Variants in ZFAND5 observed in about 807,000 individuals in gnomAD.
ZFAND5 encodes AN1-type zinc finger protein 5.
ZFAND5 carries 4 observed loss-of-function variants against 23.6 expected under a neutral mutation model. The ratio of observed to expected loss-of-function variants is 0.17; its 90% CI spans 0.08 to 0.39. The LOEUF is 0.39. Among genes scored for constraint, ZFAND5 ranks in the 10% least tolerant of loss-of-function variants. The pLI is 1.00. For synonymous variants in ZFAND5, 68 were observed against 80.6 expected, an observed-to-expected ratio of 0.84 and a Z score of 0.84; for missense variants, 161 against 253.7, an observed-to-expected ratio of 0.63 and a Z score of 2.48.
At position 72,365,152 on chromosome 9, in the gene ZFAND5, G is replaced by C. The variant is rs1024028641; in HGVS notation, c.-603C>G. The C allele has an allele frequency of 6.6e-6, 1 of 152,248 alleles. No individual in the cohort carries two copies. The highest frequency in any genetic ancestry group is 1.5e-5 in the Non-Finnish European group (1 of 68,070). The allele number at this position is 152,248 out of a possible 1,614,324, so 9.4% of individuals were successfully genotyped here. A position where few individuals can be genotyped will look rare whatever the true frequency, so the allele number is the denominator to read the frequency against. ...CCGCCGGGGAAGCTGCGCGGCTCCC[G>C]GGAGCGAGCGAGCCCGCGTAGGAGA... On this transcript the variant is annotated 5_prime_UTR_variant, in exon 1 of 7. Transcript: ENST00000376962.
chr9:72,364,626 G>A, intron 1 of ZFAND5, 70 bp downstream of exon 1: 1 of 1,190,140 alleles, frequency 8.4e-7, no homozygotes, highest in Non-Finnish European at 1.1e-6. Flanking sequence ...CGGCGCCCCG[G>A]TCCCTTCACT....
chr9:72,357,572 C>T (rs1178156211), intron 5 of ZFAND5, among the ~76,000 whole-genome samples: 3 of 152,134 alleles, frequency 2.0e-5, no homozygotes, highest in Admixed American at 6.5e-5. Flanking sequence ...CCTAAATCAA[C>T]GTCAGATCCA....
At chr9:72,356,202 G>T in intron 6 of ZFAND5, 101 bp from the exon 7 acceptor site, 1 of 1,422,126 alleles carries the variant, frequency 7.0e-7, no homozygotes, top group Non-Finnish European at 9.5e-7. Flanking sequence ...TCATTGCTTT[G>T]TAACATAAAA....
Position 72,354,380 on chromosome 9 carries a change from G to C in ZFAND5, c.*1573C>G, listed in dbSNP as rs1239859916. 1 of 152,484 alleles carries C rather than the reference G, an allele frequency of 6.6e-6. No individual in the cohort carries two copies. The highest frequency in any genetic ancestry group is 1.5e-5 in the Non-Finnish European group (1 of 68,024). The allele number at this position is 152,484 out of a possible 1,614,324, so 9.4% of individuals were successfully genotyped here. A position where few individuals can be genotyped will look rare whatever the true frequency, so the allele number is the denominator to read the frequency against. ...ATGGCAAAGGAAAAAAAATTATATA[G>C]CCATGTAAAGTAACATTTTCTAATT... On this transcript the variant is annotated 3_prime_UTR_variant, in exon 7 of 7. Transcript: ENST00000376962.
Position 72,352,318 on chromosome 9 carries a change from A to T in ZFAND5, c.*3635T>A, listed in dbSNP as rs1345779524. The T allele has an allele frequency of 6.6e-6, 1 of 151,456 alleles. No individual in the cohort carries two copies. The highest frequency in any genetic ancestry group is 2.4e-5 in the African/African-American group (1 of 41,422). 9.4% of individuals were successfully genotyped at this position (151,456 alleles called of 1,614,324 possible). A position where few individuals can be genotyped will look rare whatever the true frequency, so the allele number is the denominator to read the frequency against. Reference sequence around the variant, plus strand: ...ACGGAGCCTCTGTCTCAAACAAACAAAACAAAACAAAAACAGACAAGAGTC... The same window carrying T: ...ACGGAGCCTCTGTCTCAAACAAACATAACAAAACAAAAACAGACAAGAGTC... On this transcript the variant is annotated 3_prime_UTR_variant, in exon 7 of 7. Transcript: ENST00000376962.
rs753012729 is a variant in ZFAND5, at chr9:72,360,224, A to T, written c.152-3T>A. The T allele has an allele frequency of 1.2e-6, 2 of 1,605,870 alleles. No homozygotes were observed. Among genetic ancestry groups the T allele is most frequent in the South Asian group, 2.2e-5 (2 of 89,344 alleles). On this transcript the variant is annotated splice_region_variant and splice_polypyrimidine_tract_variant and intron_variant, in intron 3 of 6. Coordinates refer to ENST00000376962, the MANE Select transcript of ZFAND5 (RefSeq NM_001102420.3). ...ACTGTTGGAACCACTAGCTGTTCCT[A>T]TTTAAAAAAAGGATTTGTAAGGAAC...
rs1554695354 is a variant in ZFAND5, at chr9:72,351,591, T to TTTA, written c.*4361_*4362insTAA. The TTTA allele has an allele frequency of 5.4e-5, 2 of 37,024 alleles. No homozygotes were observed. Among genetic ancestry groups the TTTA allele is most frequent in the Non-Finnish European group, 2.7e-4 (2 of 7,278 alleles). 2.3% of individuals were successfully genotyped at this position (37,024 alleles called of 1,614,324 possible). ...ATGGCACTTTTGTATTCTGTTGTAC[T>TTTA]TTTTTTTTTTTTTTTACATTTGCTA... is the stretch of plus-strand genomic sequence containing the variant. On this transcript the variant is annotated 3_prime_UTR_variant, in exon 7 of 7. Coordinates refer to ENST00000376962, the MANE Select transcript of ZFAND5 (RefSeq NM_001102420.3).
At chr9:72,356,152 A>G (rs1841935836) in intron 6 of ZFAND5, 51 bp from the exon 7 acceptor site, 6 of 1,570,872 alleles carry the variant, frequency 3.8e-6, no homozygotes, top group Non-Finnish European at 5.1e-6. Flanking sequence ...CAATTAAAAG[A>G]AAAAAAAGCC....
At chr9:72,364,482 G>T in intron 1 of ZFAND5, 1 of 1,280,760 alleles carries the variant, frequency 7.8e-7, no homozygotes, top group Non-Finnish European at 1.0e-6. Context: ...AGCGAGCCAG[G>T]GACGCCGGGA....
rs79349856 is a variant in ZFAND5 at position 72,359,500 on chromosome 9, C to T, written c.285G>A (p.Leu95=). 2 of 1,613,650 alleles carry T rather than the reference C, an allele frequency of 1.2e-6. No homozygotes were observed. The highest frequency in any genetic ancestry group is 1.7e-5 in the Admixed American group (1 of 59,988). Residue 95 remains leucine (L), a synonymous_variant, in exon 5 of 7, where the codon TTG becomes TTA. Coordinates refer to ENST00000376962, the MANE Select transcript of ZFAND5 (RefSeq NM_001102420.3). ...TTTCTGTCATTTGCTGAGTTACAGG[C>T]AAGGCAGCCACAGGCACATTTCTAT... ...EKSRNVPVAA[L]PVTQQMTEMS...
chr9:72,362,930 T>C (rs1028213560), intron 2 of ZFAND5, among the ~76,000 whole-genome samples: 1 of 152,142 alleles, frequency 6.6e-6, no homozygotes, highest in Non-Finnish European at 1.5e-5. Context: ...TCTCAAAGCC[T>C]GCCAACTCCT....
Position 72,365,069 on chromosome 9 carries a change from C to G in ZFAND5, c.-520G>C, listed in dbSNP as rs944705422. On this transcript the variant is annotated 5_prime_UTR_variant, in exon 1 of 7. Coordinates refer to ENST00000376962, the MANE Select transcript of ZFAND5 (RefSeq NM_001102420.3). Reference sequence around the variant, plus strand: ...GGACGAGGAGGGCGAGCGGACCGCGCGCCGCGAGGCCTGGGGCCGTAAGGG... The same window carrying G: ...GGACGAGGAGGGCGAGCGGACCGCGGGCCGCGAGGCCTGGGGCCGTAAGGG... 2.0e-5 allele frequency: 3 copies of G among 152,154 alleles called. No homozygotes were observed. The highest frequency in any genetic ancestry group is 4.4e-5 in the Non-Finnish European group (3 of 68,058). The allele number at this position is 152,154 out of a possible 1,614,324, so 9.4% of individuals were successfully genotyped here.
At chr9:72,362,022 T>C (rs958801752) in intron 2 of ZFAND5, among the ~76,000 whole-genome samples, 8 of 152,214 alleles carry the variant, frequency 5.3e-5, no homozygotes, top group African/African-American at 1.9e-4. Context: ...CTAACCAATT[T>C]TGACCTGGCC....
In ZFAND5 at chr9:72,354,685, T is replaced by G. The variant is rs1564297718; in HGVS notation, c.*1268A>C. 1 of 152,624 alleles carries G rather than the reference T, an allele frequency of 6.6e-6. No individual in the cohort carries two copies. The highest frequency in any genetic ancestry group is 1.5e-5 in the Non-Finnish European group (1 of 68,040). 9.5% of individuals were successfully genotyped at this position (152,624 alleles called of 1,614,324 possible). A position where few individuals can be genotyped will look rare whatever the true frequency, so the allele number is the denominator to read the frequency against. On this transcript the variant is annotated 3_prime_UTR_variant, in exon 7 of 7. Transcript: ENST00000376962. ...CAGAAGTAGTGCCTCGTGTACATAC[T>G]TAACTATTTACAGATGAAAACAGGC...
intron 1 of ZFAND5, chr9:72,364,064 A>G (rs2131988905): frequency 6.5e-6 from 1 of 153,238 alleles, no homozygotes; most frequent in South Asian, 1.9e-4. Context: ...GAGAAGCCCA[A>G]AAGACGACGC....
At position 72,359,526 on chromosome 9, in the gene ZFAND5, T is replaced by C; in HGVS notation, c.264-5A>G. On this transcript the variant is annotated splice_polypyrimidine_tract_variant and splice_region_variant and intron_variant, in intron 4 of 6. Coordinates refer to ENST00000376962, the MANE Select transcript of ZFAND5 (RefSeq NM_001102420.3). Reference sequence around the variant, plus strand: ...AAGGCAGCCACAGGCACATTTCTATTTGAGTTCAAGCAAACAATTTTTAAA... The same window carrying C: ...AAGGCAGCCACAGGCACATTTCTATCTGAGTTCAAGCAAACAATTTTTAAA... 1 of 1,613,002 alleles carries C rather than the reference T, an allele frequency of 6.2e-7. No homozygotes were observed. The highest frequency in any genetic ancestry group is 8.5e-7 in the Non-Finnish European group (1 of 1,179,450).
At chr9:72,358,631 G>C (rs1377431324) in intron 5 of ZFAND5, among the ~76,000 whole-genome samples, 1 of 152,094 alleles carries the variant, frequency 6.6e-6, no homozygotes, top group African/African-American at 2.4e-5. Context: ...CCAAACTTGA[G>C]AATTTGGCCT....
chr9:72,360,535 C>G (rs1304430622), intron 3 of ZFAND5, 93 bp downstream of exon 3: 1 of 1,548,576 alleles, frequency 6.5e-7, no homozygotes, highest in Non-Finnish European at 8.8e-7. Flanking sequence ...GGTGTTCTCT[C>G]CATGTGCTTT....
chr9:72,364,714 C>G lies in ZFAND5; in HGVS notation c.-165G>C. Reference sequence around the variant, plus strand: ...CACTCACCCTGCAGGGTCCCAAATGCGAAAGCCGGGTTCGCGCGCGAAGCC... The same window carrying G: ...CACTCACCCTGCAGGGTCCCAAATGGGAAAGCCGGGTTCGCGCGCGAAGCC... On this transcript the variant is annotated 5_prime_UTR_variant, in exon 1 of 7. Coordinates refer to ENST00000376962, the MANE Select transcript of ZFAND5 (RefSeq NM_001102420.3). 2.3e-6 allele frequency: 2 copies of G among 856,522 alleles called. No individual in the cohort carries two copies. The highest frequency in any genetic ancestry group is 2.4e-5 in the South Asian group (1 of 41,044). 53.1% of individuals were successfully genotyped at this position (856,522 alleles called of 1,614,324 possible).
Sources: allele counts gnomAD v4.1 joint callset (sites outside exome capture counted in the v4.1 genomes callset), GRCh38; gene constraint gnomAD v4.1.1; transcripts MANE v1.5; gene names NCBI Gene and HGNC (gene_info 2026-07-23, HGNC 2026-07-21).